DCC: variants seen among roughly 807,000 people sequenced by gnomAD.
DCC encodes netrin receptor DCC.
DCC carries 58 observed loss-of-function variants against 172.5 expected under a neutral mutation model. The ratio of observed to expected loss-of-function variants is 0.34; its 90% CI spans 0.27 to 0.42. The LOEUF (loss-of-function observed/expected upper bound fraction) is 0.42. DCC is among the 10% of genes least tolerant of loss of function. The pLI is 1.00. For missense variants in DCC, 1,740 were observed against 1,791.0 expected, an observed-to-expected ratio of 0.97 and a Z score of 0.51; for synonymous variants, 709 against 644.5, an observed-to-expected ratio of 1.10 and a Z score of -1.52.
chr18:53,412,149 C>T (rs868015510), intron 20 of DCC, among the ~76,000 whole-genome samples: 3 of 152,236 alleles, frequency 2.0e-5, no homozygotes, highest in Non-Finnish European at 2.9e-5. Context: ...GTGCCCTAAA[C>T]ACATCTAGAA....
At chr18:52,992,121 C>T (rs953915781) in intron 5 of DCC, among the ~76,000 whole-genome samples, 6 of 152,150 alleles carry the variant, frequency 3.9e-5, no homozygotes, top group Admixed American at 1.3e-4. Flanking sequence ...CCGCCTTGTC[C>T]GCCCTTTATG....
chr18:52,932,306 C>A (rs1002657493), intron 5 of DCC, among the ~76,000 whole-genome samples: 1 of 152,102 alleles, frequency 6.6e-6, no homozygotes, highest in African/African-American at 2.4e-5. Context: ...TTACCCAGCT[C>A]CACACAGGAA....
chr18:52,977,926 A>G (rs984231891), intron 5 of DCC, among the ~76,000 whole-genome samples: 1 of 150,590 alleles, frequency 6.6e-6, no homozygotes, highest in African/African-American at 2.4e-5. Flanking sequence ...AAAAAAAAGC[A>G]TATCTGCTTG....
intron 7 of DCC, among the ~76,000 whole-genome samples, chr18:53,089,911 A>C (rs1381182453): frequency 7.2e-5 from 11 of 152,180 alleles, no homozygotes; most frequent in Non-Finnish European, 1.6e-4. Context: ...GTTATTTTTC[A>C]TTAACTTGTG....
At chr18:53,387,814 A>C (rs576831472) in intron 16 of DCC, among the ~76,000 whole-genome samples, 1 of 152,302 alleles carries the variant, frequency 6.6e-6, no homozygotes, top group Admixed American at 6.5e-5. Context: ...GCCATGCAAA[A>C]TGATACTACA....
At chr18:53,310,182 G>T (rs980438410) in intron 13 of DCC, among the ~76,000 whole-genome samples, 2 of 151,894 alleles carry the variant, frequency 1.3e-5, no homozygotes, top group Non-Finnish European at 2.9e-5. Flanking sequence ...ACCAGGGAGC[G>T]CTACATACTT....
At chr18:52,712,749 T>A (rs1014082935) in intron 1 of DCC, among the ~76,000 whole-genome samples, 3 of 152,230 alleles carry the variant, frequency 2.0e-5, no homozygotes, top group African/African-American at 4.8e-5. Context: ...TGCCTTTCAT[T>A]CATACACCAA....
intron 14 of DCC, among the ~76,000 whole-genome samples, chr18:53,325,797 A>C (rs1211040023): frequency 6.6e-6 from 1 of 152,186 alleles, no homozygotes; most frequent in Non-Finnish European, 1.5e-5. Context: ...CGTGTGCTGA[A>C]TCATGGGGAG....
At chr18:53,376,341 G>A (rs538243811) in intron 15 of DCC, among the ~76,000 whole-genome samples, 4 of 152,092 alleles carry the variant, frequency 2.6e-5, no homozygotes, top group South Asian at 2.1e-4. Context: ...CCAAGATAGC[G>A]CCACTGAACT....
At chr18:52,559,722 G>A (rs189641627) in intron 1 of DCC, among the ~76,000 whole-genome samples, 42 of 151,736 alleles carry the variant, frequency 2.8e-4, no homozygotes, top group Admixed American at 7.2e-4. Flanking sequence ...AAAAAAAAGG[G>A]CCCCAAATTT....
intron 23 of DCC, among the ~76,000 whole-genome samples, chr18:53,454,435 T>A (rs555365580): frequency 6.6e-6 from 1 of 152,326 alleles, no homozygotes; most frequent in African/African-American, 2.4e-5. Context: ...GCCCAACATA[T>A]GGAACACATG....
At chr18:53,398,917 T>G (rs566597570) in intron 18 of DCC, among the ~76,000 whole-genome samples, 1 of 152,288 alleles carries the variant, frequency 6.6e-6, no homozygotes, top group Non-Finnish European at 1.5e-5. Context: ...GTCTGCAGGT[T>G]TATAACTGTG....
intron 1 of DCC, among the ~76,000 whole-genome samples, chr18:52,407,898 C>G (rs552983124): frequency 7.2e-4 from 109 of 152,116 alleles, no homozygotes; most frequent in African/African-American, 2.5e-3. Flanking sequence ...ATGAGATAAT[C>G]AAAAAATTCC....
At chr18:52,781,258 G>T (rs1230775394) in intron 2 of DCC, among the ~76,000 whole-genome samples, 1 of 152,116 alleles carries the variant, frequency 6.6e-6, no homozygotes, top group East Asian at 1.9e-4. Context: ...GGCAAAGGAA[G>T]TCATAGAATT....
chr18:52,570,867 G>A (rs1203445685), intron 1 of DCC, among the ~76,000 whole-genome samples: 2 of 151,970 alleles, frequency 1.3e-5, no homozygotes, highest in Admixed American at 6.6e-5. Flanking sequence ...TCAAAGGTTT[G>A]GTATCATTGT....
chr18:53,024,604 C>T (rs2041931045), intron 5 of DCC, among the ~76,000 whole-genome samples: 1 of 152,120 alleles, frequency 6.6e-6, no homozygotes, highest in Admixed American at 6.6e-5. Context: ...ACAAAGGAGA[C>T]CCAATAGTTC....
intron 2 of DCC, among the ~76,000 whole-genome samples, chr18:52,845,708 A>C (rs573105015): frequency 2.0e-4 from 30 of 152,342 alleles, no homozygotes; most frequent in Non-Finnish European, 3.8e-4. Flanking sequence ...TTAGAAGAAA[A>C]ACTTCAGGCA....
chr18:53,457,866 A>C (rs1424275600), intron 23 of DCC, among the ~76,000 whole-genome samples: 1 of 152,204 alleles, frequency 6.6e-6, no homozygotes, highest in East Asian at 1.9e-4. Context: ...GGGATTCTTT[A>C]TCTCCTATCC....
intron 7 of DCC, among the ~76,000 whole-genome samples, chr18:53,107,505 A>T (rs1475025330): frequency 6.9e-6 from 1 of 145,894 alleles, no homozygotes; most frequent in Non-Finnish European, 1.5e-5. Flanking sequence ...TATAATCTTT[A>T]CTTCAAACTT....
Sources: gnomAD v4.1 joint callset for allele counts (sites outside exome capture counted in the v4.1 genomes callset) on GRCh38, gnomAD v4.1.1 for gene constraint, MANE v1.5 for transcripts, NCBI Gene and HGNC (gene_info 2026-07-23, HGNC 2026-07-21) for gene names.